Variants in EXOC2 observed in about 807,000 individuals in gnomAD.
EXOC2 encodes the protein SEC5-like 1.
Under a neutral mutation model 131.8 loss-of-function variants are expected in EXOC2, and 70 were observed. That is an observed-to-expected ratio of 0.53 (90% CI 0.44 to 0.65). The LOEUF (loss-of-function observed/expected upper bound fraction) is 0.65, where lower values mean the gene tolerates loss of function less well. EXOC2 is among the 30% of genes least tolerant of loss of function. The probability of loss-of-function intolerance (pLI) is 0.00; values close to 1 mark genes in which losing one functional copy is unlikely to be tolerated. For synonymous variants in EXOC2, 411 were observed against 398.4 expected (o/e 1.03, Z -0.38); for missense variants, 923 against 1,108.6 (o/e 0.83, Z 2.38).
intron 23 of EXOC2, among the ~76,000 whole-genome samples, chr6:516,518 C>A (rs1765174823): frequency 6.6e-6 from 1 of 152,212 alleles, no homozygotes; most frequent in African/African-American, 2.4e-5. Flanking sequence ...CAGGGCAGGC[C>A]TGAAGCCAAG....
chr6:501,494 ATATATATC>A (rs1348882849), intron 23 of EXOC2, among the ~76,000 whole-genome samples: 1 of 2,456 alleles, frequency 4.1e-4, no homozygotes, highest in Non-Finnish European at 7.9e-4. Flanking sequence ...TATATATATT[ATATATATC>A]TATATATTAT....
chr6:673,031 G>A (rs759804292), intron 1 of EXOC2, among the ~76,000 whole-genome samples: 4 of 151,824 alleles, frequency 2.6e-5, no homozygotes, highest in Non-Finnish European at 2.9e-5. Flanking sequence ...AGGCCAAGGC[G>A]GGCAGATCAC....
chr6:512,524 G>C (rs188834520), intron 23 of EXOC2, among the ~76,000 whole-genome samples: 149 of 152,260 alleles, frequency 9.8e-4, no homozygotes, highest in Non-Finnish European at 1.6e-3. Flanking sequence ...TTATTAATAA[G>C]TCATCTGGGC....
At chr6:649,234 AAC>A (rs1384815387) in intron 1 of EXOC2, among the ~76,000 whole-genome samples, 1 of 152,242 alleles carries the variant, frequency 6.6e-6, no homozygotes, top group East Asian at 1.9e-4. Context: ...AAAGAGGTAT[AAC>A]AGCTATTATT....
chr6:674,908 C>T (rs1316292324), intron 1 of EXOC2, among the ~76,000 whole-genome samples: 3 of 152,084 alleles, frequency 2.0e-5, no homozygotes, highest in Non-Finnish European at 4.4e-5. Context: ...GCCCTACATA[C>T]CCCAGGTGCC....
intron 23 of EXOC2, among the ~76,000 whole-genome samples, chr6:529,745 T>C (rs1765965734): frequency 6.6e-6 from 1 of 152,192 alleles, no homozygotes; most frequent in Non-Finnish European, 1.5e-5. Flanking sequence ...GAACAATGTA[T>C]TACTTTTTGC....
At chr6:562,690 G>A in intron 17 of EXOC2, 94 bp downstream of exon 17, 3 of 766,778 alleles carry the variant, frequency 3.9e-6, no homozygotes, top group Non-Finnish European at 3.9e-6. Context: ...ATTTAGAGCT[G>A]CAACACATGG....
At chr6:625,444 T>C (rs1381209860) in intron 4 of EXOC2, among the ~76,000 whole-genome samples, 1 of 152,106 alleles carries the variant, frequency 6.6e-6, no homozygotes, top group Non-Finnish European at 1.5e-5. Flanking sequence ...GCTACACATA[T>C]CTCTCGTAGC....
At chr6:668,187 A>G (rs966747174) in intron 1 of EXOC2, among the ~76,000 whole-genome samples, 1 of 152,104 alleles carries the variant, frequency 6.6e-6, no homozygotes, top group Non-Finnish European at 1.5e-5. Context: ...GGATCTATGG[A>G]TAGTTGCCTA....
chr6:535,395 A>G (rs974354462), intron 22 of EXOC2, among the ~76,000 whole-genome samples: 1 of 152,146 alleles, frequency 6.6e-6, no homozygotes, highest in Non-Finnish European at 1.5e-5. Context: ...TAAAAATTAA[A>G]AAGGAATAAC....
At chr6:532,407 A>G (rs1766143290) in intron 23 of EXOC2, 62 bp downstream of exon 23, 2 of 1,374,104 alleles carry the variant, frequency 1.5e-6, no homozygotes, top group Non-Finnish European at 9.6e-7. Flanking sequence ...AAAAGAATTC[A>G]AGCAAGTATC....
chr6:635,838 G>T (rs6924658), intron 2 of EXOC2, among the ~76,000 whole-genome samples: 1 of 152,236 alleles, frequency 6.6e-6, no homozygotes, highest in Non-Finnish European at 1.5e-5. Flanking sequence ...CGAGGCAGGC[G>T]GATCACGAGG....
In EXOC2 at chr6:558,020, G is replaced by A. The variant is rs3799302; in HGVS notation, c.1852-1456C>T. On this transcript the variant is annotated intron_variant, in intron 17 of 27. Transcript: ENST00000230449. ...TGGGGTAGGCGGCCGGGCTTCATCC[G>A]GAGCAGCGAGACATGGAAGGCTCAA... 1.8e-3 allele frequency among the ~76,000 whole-genome samples: 280 copies of A among 152,236 alleles called. 7 individuals are homozygous for A. The East Asian group carries it at 0.045, about 24-fold the overall frequency.
At chr6:494,440 CGT>C (rs1491356342) in intron 25 of EXOC2, among the ~76,000 whole-genome samples, 1 of 74,590 alleles carries the variant, frequency 1.3e-5, no homozygotes, top group Non-Finnish European at 4.3e-5. Flanking sequence ...TATTTGCACC[CGT>C]TTTTTTTTTT....
chr6:488,131 GC>G (rs1763192579), intron 27 of EXOC2, among the ~76,000 whole-genome samples: 3 of 152,320 alleles, frequency 2.0e-5, no homozygotes, highest in Admixed American at 2.0e-4. Flanking sequence ...GGGCGGCGAT[GC>G]CCCCGGGGAC....
At chr6:648,418 C>T (rs1210656128) in intron 1 of EXOC2, among the ~76,000 whole-genome samples, 1 of 152,140 alleles carries the variant, frequency 6.6e-6, no homozygotes, top group Non-Finnish European at 1.5e-5. Flanking sequence ...TGCCAGACTC[C>T]CTTGAGTTTA....
chr6:521,301 C>G (rs1413491221), intron 23 of EXOC2, among the ~76,000 whole-genome samples: 2 of 152,198 alleles, frequency 1.3e-5, no homozygotes, highest in Non-Finnish European at 2.9e-5. Flanking sequence ...ACTCACCGTC[C>G]ACACTCGGAG....
intron 22 of EXOC2, among the ~76,000 whole-genome samples, chr6:544,807 T>C (rs568674524): frequency 6.6e-6 from 1 of 152,166 alleles, no homozygotes. Flanking sequence ...GAGCTGCCCC[T>C]CCACACCTTT....
At position 574,790 on chromosome 6, in the gene EXOC2, C is replaced by A. The variant is rs567296464; in HGVS notation, c.1318+1967G>T. Among the ~76,000 whole-genome samples the A allele has an allele frequency of 9.2e-5, 14 of 152,342 alleles. 1 individual carries two copies. In the South Asian group the frequency reaches 2.9e-3, roughly 32 times the overall value. On this transcript the variant is annotated intron_variant, in intron 12 of 27. Coordinates refer to ENST00000230449, the MANE Select transcript of EXOC2 (RefSeq NM_018303.6). ...CTTCACAGCTTAGAATCTAACAGAA[C>A]AGTCAATTAACCAATTGAATACACC...
Sources: allele counts gnomAD v4.1 joint callset (sites outside exome capture counted in the v4.1 genomes callset), GRCh38; gene constraint gnomAD v4.1.1; transcripts MANE v1.5; gene names NCBI Gene and HGNC (gene_info 2026-07-23, HGNC 2026-07-21).